The following ZBTB20 variants were observed in gnomAD, a reference collection of about 807,000 sequenced individuals.
ZBTB20 encodes the protein zinc finger and BTB domain containing 20, also known as zinc finger and BTB domain-containing protein 20.
A neutral mutation model predicts 56.9 loss-of-function variants in ZBTB20; 9 were observed. The observed-to-expected ratio is 0.16, with a 90% CI of 0.10 to 0.28. The LOEUF is 0.28. Among genes scored for constraint, ZBTB20 ranks in the 10% least tolerant of loss-of-function variants. ZBTB20 has a pLI of 1.00. For synonymous variants in ZBTB20, 417 were observed against 420.7 expected, an observed-to-expected ratio of 0.99 and a Z score of 0.11; for missense variants, 655 against 1,003.0, an observed-to-expected ratio of 0.65 and a Z score of 4.69.
rs2082399183 is a variant in ZBTB20 at position 115,071,252 on chromosome 3, T to C, written c.-540A>G. 6.6e-6 allele frequency: 1 copy of C among 152,060 alleles called. No individual in the cohort carries two copies. 9.4% of individuals were successfully genotyped at this position (152,060 alleles called of 1,614,324 possible). A position where few individuals can be genotyped will look rare whatever the true frequency, so the allele number is the denominator to read the frequency against. Reference sequence around the variant, plus strand: ...GGATGACGGAGCAGAAATAGAGAATTCTTGATTAACCAGGAGAAGAATATC... The same window carrying C: ...GGATGACGGAGCAGAAATAGAGAATCCTTGATTAACCAGGAGAAGAATATC... On this transcript the variant is annotated 5_prime_UTR_variant, in exon 2 of 12. Transcript: ENST00000675478.
chr3:114,384,921 C>T (rs752518192), intron 8 of ZBTB20, among the ~76,000 whole-genome samples: 46 of 152,200 alleles, frequency 3.0e-4, no homozygotes, highest in Non-Finnish European at 5.9e-4. Context: ...ATATTGCACA[C>T]ATACAGTGAT....
chr3:114,771,380 T>G (rs1437753355), intron 5 of ZBTB20, among the ~76,000 whole-genome samples: 5 of 152,176 alleles, frequency 3.3e-5, no homozygotes, highest in Admixed American at 2.6e-4. Flanking sequence ...ACTTACAAAT[T>G]TATAAGCATA....
intron 1 of ZBTB20, among the ~76,000 whole-genome samples, chr3:115,128,719 G>A (rs2084410830): frequency 7.0e-6 from 1 of 143,610 alleles, no homozygotes; most frequent in Non-Finnish European, 1.5e-5. Context: ...GTGGAGGGGA[G>A]GGGAGGGCAG....
At chr3:114,617,082 A>G (rs1374319044) in intron 6 of ZBTB20, among the ~76,000 whole-genome samples, 1 of 152,046 alleles carries the variant, frequency 6.6e-6, no homozygotes, top group Admixed American at 6.5e-5. Flanking sequence ...CCTATAATCT[A>G]TCCTCTACCC....
At chr3:114,777,805 T>C (rs1020290924) in intron 5 of ZBTB20, among the ~76,000 whole-genome samples, 8 of 151,972 alleles carry the variant, frequency 5.3e-5, no homozygotes, top group African/African-American at 1.9e-4. Context: ...TGTATGTTTA[T>C]TGCGGCACTA....
chr3:114,837,335 G>A (rs1029833704), intron 4 of ZBTB20, among the ~76,000 whole-genome samples: 2 of 152,108 alleles, frequency 1.3e-5, no homozygotes, highest in Admixed American at 1.3e-4. Context: ...GAGGTTCTTG[G>A]ATGTGTTAGT....
At chr3:115,029,538 G>GA (rs1312043041) in intron 2 of ZBTB20, among the ~76,000 whole-genome samples, 3 of 150,696 alleles carry the variant, frequency 2.0e-5, no homozygotes, top group African/African-American at 4.8e-5. Flanking sequence ...GAACTGAAGA[G>GA]AAAAAATAGG....
intron 2 of ZBTB20, among the ~76,000 whole-genome samples, chr3:115,012,906 C>T (rs1215670752): frequency 6.6e-6 from 1 of 151,708 alleles, no homozygotes; most frequent in East Asian, 2.0e-4. Context: ...AAATGAATAC[C>T]AAGAGGAATT....
chr3:114,526,232 T>C (rs1400162902), intron 6 of ZBTB20, among the ~76,000 whole-genome samples: 1 of 152,168 alleles, frequency 6.6e-6, no homozygotes, highest in East Asian at 1.9e-4. Flanking sequence ...CTTGCATATT[T>C]AGAATATTTT....
At chr3:115,133,574 T>G (rs932783869) in intron 1 of ZBTB20, among the ~76,000 whole-genome samples, 22 of 152,298 alleles carry the variant, frequency 1.4e-4, no homozygotes, top group African/African-American at 5.1e-4. Context: ...CTAATCTCCT[T>G]TCTGTTTCCA....
chr3:115,012,094 T>C (rs1487639305), intron 2 of ZBTB20, among the ~76,000 whole-genome samples: 2 of 151,218 alleles, frequency 1.3e-5, no homozygotes, highest in African/African-American at 4.8e-5. Context: ...AAGAAATTAA[T>C]CATATCACCA....
chr3:114,604,088 A>T (rs999837947), intron 6 of ZBTB20, among the ~76,000 whole-genome samples: 2 of 152,122 alleles, frequency 1.3e-5, no homozygotes, highest in African/African-American at 2.4e-5. Flanking sequence ...GAAATGATTT[A>T]TATATAAGGT....
At chr3:115,013,769 A>T (rs1003416792) in intron 2 of ZBTB20, among the ~76,000 whole-genome samples, 1 of 151,708 alleles carries the variant, frequency 6.6e-6, no homozygotes, top group African/African-American at 2.4e-5. Flanking sequence ...ACAGTAACAA[A>T]TGCTGGCAAG....
chr3:114,799,954 T>C (rs2071598031), intron 5 of ZBTB20, among the ~76,000 whole-genome samples: 1 of 151,854 alleles, frequency 6.6e-6, no homozygotes, highest in African/African-American at 2.4e-5. Flanking sequence ...AAGAGTGCAA[T>C]GAACTACAGT....
intron 11 of ZBTB20, among the ~76,000 whole-genome samples, chr3:114,348,823 G>T (rs1204972751): frequency 6.6e-6 from 1 of 152,088 alleles, no homozygotes; most frequent in African/African-American, 2.4e-5. Context: ...GAGAAACAAG[G>T]TTGTTTTGAG....
chr3:114,785,749 T>C (rs1249242967), intron 5 of ZBTB20, among the ~76,000 whole-genome samples: 1 of 152,156 alleles, frequency 6.6e-6, no homozygotes, highest in Non-Finnish European at 1.5e-5. Context: ...CCTCATATAG[T>C]TACCATTGTG....
intron 1 of ZBTB20, among the ~76,000 whole-genome samples, chr3:115,129,844 T>C (rs1199537998): frequency 6.6e-6 from 1 of 152,200 alleles, no homozygotes; most frequent in Non-Finnish European, 1.5e-5. Context: ...AGACCTATCT[T>C]AGACTTTCAG....
intron 6 of ZBTB20, chr3:114,687,623 A>AAAAG (rs1208304159): frequency 6.6e-6 from 1 of 151,598 alleles, no homozygotes; most frequent in Non-Finnish European, 1.5e-5. Context: ...AAAAAAAAAA[A>AAAAG]AAAGAAAGAA....
intron 4 of ZBTB20, among the ~76,000 whole-genome samples, chr3:114,888,541 T>C (rs2076691365): frequency 6.6e-6 from 1 of 152,246 alleles, no homozygotes; most frequent in African/African-American, 2.4e-5. Flanking sequence ...AAAAAATTAT[T>C]TATGTTCCTG....
Sources: allele counts gnomAD v4.1 joint callset (sites outside exome capture counted in the v4.1 genomes callset), GRCh38; gene constraint gnomAD v4.1.1; transcripts MANE v1.5; gene names NCBI Gene and HGNC (gene_info 2026-07-23, HGNC 2026-07-21).